The following BCR variants were observed in gnomAD, a reference collection of about 807,000 sequenced individuals.
The protein encoded by BCR is breakpoint cluster region protein.
BCR carries 58 observed loss-of-function variants against 138.6 expected under a neutral mutation model. That is an observed-to-expected ratio of 0.42 (90% CI 0.34 to 0.52). BCR has a LOEUF of 0.52. Ranked by LOEUF, BCR falls within the 20% of genes least tolerant of loss-of-function variation. BCR has a pLI of 0.06. For missense variants in BCR, 1,599 were observed against 1,727.2 expected (o/e 0.93, Z 1.32); for synonymous variants, 786 against 730.1 (o/e 1.08, Z -1.23).
intron 2 of BCR, among the ~76,000 whole-genome samples, chr22:23,259,308 C>T (rs1185807488): frequency 2.0e-5 from 3 of 152,148 alleles, no homozygotes; most frequent in Non-Finnish European, 4.4e-5. Context: ...GGCTTGTCTT[C>T]TCTATGTGTC....
At chr22:23,261,605 C>T in intron 4 of BCR, 65 bp downstream of exon 4, 2 of 1,555,856 alleles carry the variant, frequency 1.3e-6, no homozygotes, top group Admixed American at 1.8e-5. Flanking sequence ...TAATTTTTTG[C>T]ATTTTTAGTA....
chr22:23,285,072 C>T lies in BCR; in HGVS notation c.2277C>T (p.Leu759=). Residue 759 remains leucine (L), a synonymous_variant, in exon 10 of 23, where the codon CTC becomes CTT. Transcript: ENST00000305877. ...QQYDCKWYIP[L]TDLSFQMVDE... ...ATGACTGCAAATGGTACATTCCGCTCACGGATCTCAGCTTCCAGATGGTGG... is the reference window on the plus strand; with the variant it reads ...ATGACTGCAAATGGTACATTCCGCTTACGGATCTCAGCTTCCAGATGGTGG... 1 of 1,614,094 alleles carries T rather than the reference C, an allele frequency of 6.2e-7. No homozygotes were observed. Among genetic ancestry groups the T allele is most frequent in the Non-Finnish European group, 8.5e-7 (1 of 1,180,012 alleles).
At chr22:23,309,579 G>T in intron 17 of BCR, 96 bp downstream of exon 17, 3 of 977,166 alleles carry the variant, frequency 3.1e-6, no homozygotes, top group East Asian at 2.6e-5. Flanking sequence ...CTGAGCCTGA[G>T]GCAGCATCTG....
intron 14 of BCR, 57 bp from the exon 15 acceptor site, chr22:23,292,484 C>A: frequency 8.1e-7 from 1 of 1,235,794 alleles, no homozygotes; most frequent in Non-Finnish European, 1.2e-6. Context: ...TCTTACAGAC[C>A]ATGTGGGTGA....
rs549969090 is a variant in BCR, at chr22:23,281,885, C to G, written c.2116-2092C>G. On this transcript the variant is annotated intron_variant, in intron 8 of 22. Transcript: ENST00000305877. ...GACACTCAGTAGCCTTGCTGAAGGC[C>G]GAGGGTGCCCCTTAGGTGGGTTGTG... Among the ~76,000 whole-genome samples, 4 of 152,320 alleles carry G rather than the reference C, an allele frequency of 2.6e-5. No individual in the cohort carries two copies. The South Asian group carries it at 6.2e-4, about 24-fold the overall frequency.
intron 8 of BCR, among the ~76,000 whole-genome samples, chr22:23,279,200 T>A (rs5759676): frequency 2.0e-4 from 30 of 152,110 alleles, no homozygotes; most frequent in African/African-American, 7.2e-4. Context: ...AGCATTGTTC[T>A]TCCCAGGCCC....
At chr22:23,306,109 T>G (rs539681937) in intron 16 of BCR, 40 of 152,334 alleles carry the variant, frequency 2.6e-4, no homozygotes, top group African/African-American at 8.4e-4. Context: ...AGAGCCAGCC[T>G]TGGGACAGCC....
intron 1 of BCR, among the ~76,000 whole-genome samples, chr22:23,191,275 G>A (rs961083435): frequency 5.9e-5 from 9 of 152,164 alleles, no homozygotes; most frequent in Non-Finnish European, 1.3e-4. Flanking sequence ...TCTCTTTTCT[G>A]TTTATCTTGG....
chr22:23,263,932 C>G (rs758799614), intron 4 of BCR: 1 of 929,210 alleles, frequency 1.1e-6, no homozygotes, highest in Non-Finnish European at 1.8e-6. Flanking sequence ...CACTTCTCAC[C>G]CCTGAAAATC....
At chr22:23,216,691 C>T (rs2072756930) in intron 1 of BCR, among the ~76,000 whole-genome samples, 1 of 152,328 alleles carries the variant, frequency 6.6e-6, no homozygotes, top group African/African-American at 2.4e-5. Context: ...GTCACACAGG[C>T]TTGGTCATGT....
chr22:23,200,237 G>C (rs2072536740), intron 1 of BCR, among the ~76,000 whole-genome samples: 1 of 152,202 alleles, frequency 6.6e-6, no homozygotes, highest in South Asian at 2.1e-4. Context: ...GGGTGGACCA[G>C]AGCCGGTGGC....
chr22:23,291,849 G>C (rs923582226), intron 14 of BCR, among the ~76,000 whole-genome samples: 47 of 152,282 alleles, frequency 3.1e-4, no homozygotes, highest in African/African-American at 9.9e-4. Context: ...TGCCTGGCCA[G>C]GCCCTGGCTG....
Position 23,295,143 on chromosome 22 carries a change from G to A in BCR, c.3000G>A (p.Lys1000=). ...DGESTDRLMG[K]GQVQLDPQAL... ...AGAGCACGGACAGACTCATGGGGAA[G>A]GGCCAGGTCCAGGTGAGGCAGCCAT... The change falls in exon 16 of 23, where the codon AAG becomes AAA. Residue 1000 remains lysine (K), a synonymous_variant. Coordinates refer to ENST00000305877, the MANE Select transcript of BCR (RefSeq NM_004327.4). 1.2e-6 allele frequency: 2 copies of A among 1,614,052 alleles called. No individual in the cohort carries two copies. Among genetic ancestry groups the A allele is most frequent in the Non-Finnish European group, 1.7e-6 (2 of 1,179,972 alleles).
chr22:23,308,766 C>A (rs1568985521), intron 16 of BCR, among the ~76,000 whole-genome samples: 1 of 152,188 alleles, frequency 6.6e-6, no homozygotes, highest in Non-Finnish European at 1.5e-5. Flanking sequence ...CAGGGTGTTA[C>A]ATACCAGGAC....
At chr22:23,303,398 A>G (rs1037326852) in intron 16 of BCR, among the ~76,000 whole-genome samples, 1 of 152,210 alleles carries the variant, frequency 6.6e-6, no homozygotes, top group East Asian at 1.9e-4. Context: ...TTGTATTTCA[A>G]GGATTATCTG....
chr22:23,308,977 G>T (rs892439697), intron 16 of BCR, among the ~76,000 whole-genome samples: 1 of 152,092 alleles, frequency 6.6e-6, no homozygotes, highest in African/African-American at 2.4e-5. Context: ...GGCTCCTCCC[G>T]CCACAAGCTG....
chr22:23,292,346 C>T (rs1568977220), intron 14 of BCR, among the ~76,000 whole-genome samples, 195 bp from the exon 15 acceptor site: 2 of 152,218 alleles, frequency 1.3e-5, no homozygotes, highest in Admixed American at 6.5e-5. Context: ...TTCCACAGAG[C>T]GGGCAGGGGC....
chr22:23,227,024 A>G (rs9608089), intron 1 of BCR, among the ~76,000 whole-genome samples: 26,022 of 152,146 alleles, frequency 0.17, 2,712 homozygotes, highest in Middle Eastern at 0.31. Context: ...TAAATAGGCA[A>G]GCTGCTTGCT....
At chr22:23,306,997 C>G (rs1474942756) in intron 16 of BCR, among the ~76,000 whole-genome samples, 4 of 152,224 alleles carry the variant, frequency 2.6e-5, no homozygotes, top group Non-Finnish European at 4.4e-5. Flanking sequence ...CTGCTTCTGC[C>G]TGTTCTGGGT....
Sources: allele counts gnomAD v4.1 joint callset (sites outside exome capture counted in the v4.1 genomes callset), GRCh38; gene constraint gnomAD v4.1.1; transcripts MANE v1.5; gene names NCBI Gene and HGNC (gene_info 2026-07-23, HGNC 2026-07-21).